The following CPHXL2 variants were observed in gnomAD, a reference collection of about 807,000 sequenced individuals.
CPHXL2 encodes the protein cytoplasmic polyadenylated homeobox-like protein 2.
the CPHXL2 span, chr16:75,660,961 C>T: frequency 3.5e-5 from 14 of 398,754 alleles, no homozygotes; most frequent in Non-Finnish European, 6.2e-5. Context: ...CACATGGAGC[C>T]CACCTGTTGA....
the CPHXL2 span, among the ~76,000 whole-genome samples, chr16:75,671,993 C>T: frequency 1.4e-4 from 22 of 152,024 alleles, no homozygotes; most frequent in African/African-American, 3.6e-4. Context: ...ATTAATCTAA[C>T]GGGTGCGATG....
chr16:75,662,116 G>T, the CPHXL2 span, among the ~76,000 whole-genome samples: 3 of 152,148 alleles, frequency 2.0e-5, no homozygotes, highest in South Asian at 4.2e-4. Context: ...CTCCTTTTTG[G>T]GTTTGATTAA....
the CPHXL2 span, among the ~76,000 whole-genome samples, chr16:75,666,608 CAAAAAAA>C: frequency 3.8e-4 from 25 of 65,116 alleles, no homozygotes; most frequent in African/African-American, 1.0e-3. Context: ...AACTCTATCT[CAAAAAAA>C]AAAAAAAAAA....
the CPHXL2 span, among the ~76,000 whole-genome samples, chr16:75,662,993 G>A: frequency 6.6e-6 from 1 of 151,932 alleles, no homozygotes; most frequent in African/African-American, 2.4e-5. Context: ...GTAGAGACGG[G>A]GTTTCACCGT....
At chr16:75,662,523 C>G in the CPHXL2 span, among the ~76,000 whole-genome samples, 1 of 151,986 alleles carries the variant, frequency 6.6e-6, no homozygotes, top group African/African-American at 2.4e-5. Flanking sequence ...CTAGGGTCTA[C>G]TACCATCAGT....
the CPHXL2 span, among the ~76,000 whole-genome samples, chr16:75,667,273 C>T: frequency 2.1e-4 from 31 of 144,282 alleles, no homozygotes; most frequent in Non-Finnish European, 3.4e-4. Context: ...GGTCATGCCA[C>T]TGTACTCCAG....
the CPHXL2 span, among the ~76,000 whole-genome samples, chr16:75,673,075 CAAAAAAAAA>C: frequency 1.4e-5 from 1 of 73,186 alleles, no homozygotes; most frequent in Admixed American, 1.7e-4. Flanking sequence ...GACCTTGTCT[CAAAAAAAAA>C]AAAAAAAAAA....
chr16:75,675,900 G>A, the CPHXL2 span, among the ~76,000 whole-genome samples: 1 of 152,256 alleles, frequency 6.6e-6, no homozygotes. Flanking sequence ...GCAATGTGGT[G>A]AAACCCCGTC....
At chr16:75,662,731 G>T in the CPHXL2 span, among the ~76,000 whole-genome samples, 1 of 151,860 alleles carries the variant, frequency 6.6e-6, no homozygotes, top group Non-Finnish European at 1.5e-5. Flanking sequence ...GGCTTTGAGG[G>T]AGGCAGAGAT....
the CPHXL2 span, among the ~76,000 whole-genome samples, chr16:75,673,237 C>T: frequency 6.6e-6 from 1 of 151,740 alleles, no homozygotes; most frequent in East Asian, 1.9e-4. Context: ...GAGTTTGAGA[C>T]CAGCCTGGGC....
the CPHXL2 span, among the ~76,000 whole-genome samples, chr16:75,666,153 C>T: frequency 6.6e-6 from 1 of 152,100 alleles, no homozygotes; most frequent in African/African-American, 2.4e-5. Flanking sequence ...ACAACACAAA[C>T]TTTAAAGCAA....
At chr16:75,661,302 C>T in the CPHXL2 span, 1 of 400,124 alleles carries the variant, frequency 2.5e-6, no homozygotes. Context: ...TGATTATATG[C>T]CTCTATGCAT....
chr16:75,664,120 T>C, the CPHXL2 span, among the ~76,000 whole-genome samples: 1 of 152,200 alleles, frequency 6.6e-6, no homozygotes, highest in African/African-American at 2.4e-5. Context: ...CTGCTTCCAC[T>C]TGTCCTGCCT....
chr16:75,671,193 G>A, the CPHXL2 span, among the ~76,000 whole-genome samples: 1 of 152,030 alleles, frequency 6.6e-6, no homozygotes. Context: ...GGATAGCCTG[G>A]CCAACATGAA....
the CPHXL2 span, among the ~76,000 whole-genome samples, chr16:75,666,722 C>G: frequency 1.3e-5 from 2 of 151,060 alleles, no homozygotes; most frequent in African/African-American, 4.9e-5. Flanking sequence ...TACTCTGGAA[C>G]AAATGGACTT....
chr16:75,669,053 G>A, the CPHXL2 span, among the ~76,000 whole-genome samples: 13 of 152,138 alleles, frequency 8.5e-5, no homozygotes, highest in South Asian at 2.5e-3. Context: ...GGTGGCTAAC[G>A]CCTGTAATCC....
chr16:75,672,850 C>A, the CPHXL2 span, among the ~76,000 whole-genome samples: 47 of 151,932 alleles, frequency 3.1e-4, no homozygotes, highest in African/African-American at 1.1e-3. Flanking sequence ...GCCTGGAGTT[C>A]CAGACCAGCC....
the CPHXL2 span, among the ~76,000 whole-genome samples, chr16:75,665,813 C>T: frequency 7.2e-5 from 11 of 152,064 alleles, no homozygotes; most frequent in African/African-American, 2.7e-4. Context: ...TGCAGTGAGC[C>T]AAGACTGCAC....
the CPHXL2 span, among the ~76,000 whole-genome samples, chr16:75,675,907 C>T: frequency 6.6e-6 from 1 of 151,984 alleles, no homozygotes; most frequent in African/African-American, 2.4e-5. Flanking sequence ...GGTGAAACCC[C>T]GTCTCTACTA....
Sources: allele counts gnomAD v4.1 joint callset (sites outside exome capture counted in the v4.1 genomes callset), GRCh38; gene constraint gnomAD v4.1.1; transcripts MANE v1.5; gene names NCBI Gene and HGNC (gene_info 2026-07-23, HGNC 2026-07-21).